SLC38A12: variants seen among roughly 807,000 people sequenced by gnomAD.
SLC38A12 encodes the protein putative sodium-coupled neutral amino acid transporter 12.
At chr17:74,807,422 G>A in the SLC38A12 span, among the ~76,000 whole-genome samples, 1 of 152,238 alleles carries the variant, frequency 6.6e-6, no homozygotes, top group African/African-American at 2.4e-5. Context: ...ACAGGTGGAC[G>A]CCACTGCTGG....
the SLC38A12 span, among the ~76,000 whole-genome samples, chr17:74,828,195 G>T: frequency 2.0e-5 from 3 of 152,204 alleles, no homozygotes; most frequent in Non-Finnish European, 4.4e-5. Flanking sequence ...GCAGGGAATG[G>T]CACGGGGCTT....
the SLC38A12 span, among the ~76,000 whole-genome samples, chr17:74,804,983 G>T: frequency 6.6e-6 from 1 of 152,082 alleles, no homozygotes; most frequent in Non-Finnish European, 1.5e-5. Flanking sequence ...GAGTGCCTTC[G>T]GGCTCTTAAT....
chr17:74,814,390 T>C, the SLC38A12 span, among the ~76,000 whole-genome samples: 1 of 151,472 alleles, frequency 6.6e-6, no homozygotes, highest in Non-Finnish European at 1.5e-5. Flanking sequence ...GAGATGCTGG[T>C]GATAGTGGGG....
the SLC38A12 span, among the ~76,000 whole-genome samples, chr17:74,803,164 G>C: frequency 6.6e-6 from 1 of 152,210 alleles, no homozygotes; most frequent in Admixed American, 6.5e-5. Flanking sequence ...AGTTTCCCTA[G>C]TGTATTTAAA....
the SLC38A12 span, among the ~76,000 whole-genome samples, chr17:74,825,647 C>A: frequency 6.6e-6 from 1 of 152,222 alleles, no homozygotes; most frequent in East Asian, 1.9e-4. Context: ...ATGGGCAGAT[C>A]CAGCTACCAG....
chr17:74,827,420 C>G, the SLC38A12 span, among the ~76,000 whole-genome samples: 1 of 151,874 alleles, frequency 6.6e-6, no homozygotes, highest in Non-Finnish European at 1.5e-5. The surrounding 1 kb of genome is among the most constrained non-coding windows in gnomAD (Gnocchi z 4.7). Flanking sequence ...CTCAGCTTTC[C>G]AAGTAGCTGG....
At chr17:74,785,705 C>A in the SLC38A12 span, 27 of 1,438,516 alleles carry the variant, frequency 1.9e-5, no homozygotes, top group Non-Finnish European at 2.5e-5. Context: ...TGGGAAGACA[C>A]CTGTCTACCC....
chr17:74,812,163 G>A, the SLC38A12 span, among the ~76,000 whole-genome samples: 1 of 151,774 alleles, frequency 6.6e-6, no homozygotes, highest in Non-Finnish European at 1.5e-5. Context: ...TGACACAGGG[G>A]GTCAGGAAGC....
chr17:74,797,002 C>T, the SLC38A12 span, among the ~76,000 whole-genome samples: 2 of 152,188 alleles, frequency 1.3e-5, no homozygotes, highest in Admixed American at 6.5e-5. Context: ...ATTTGAGCGG[C>T]TCGCACAGAC....
chr17:74,802,904 G>A, the SLC38A12 span, among the ~76,000 whole-genome samples: 5 of 152,064 alleles, frequency 3.3e-5, no homozygotes, highest in Non-Finnish European at 7.4e-5. Context: ...TGGGGAAAAC[G>A]GCAGTGTAAC....
chr17:74,838,201 G>A, the SLC38A12 span: 5 of 985,486 alleles, frequency 5.1e-6, no homozygotes, highest in Non-Finnish European at 6.0e-6. Context: ...CTGTGCCGTC[G>A]CACCTCAGTG....
the SLC38A12 span, chr17:74,838,863 C>A: frequency 6.5e-7 from 1 of 1,532,330 alleles, no homozygotes; most frequent in Non-Finnish European, 8.7e-7. Context: ...TAGGCAAGCT[C>A]AGCTTGTGGT....
At chr17:74,835,822 CTT>C in the SLC38A12 span, 3 of 1,500,384 alleles carry the variant, frequency 2.0e-6, no homozygotes, top group Non-Finnish European at 2.6e-6. Context: ...TTTAATGACT[CTT>C]TCTCACAGGG....
the SLC38A12 span, among the ~76,000 whole-genome samples, chr17:74,797,760 G>A: frequency 6.6e-6 from 1 of 152,188 alleles, no homozygotes; most frequent in Non-Finnish European, 1.5e-5. Flanking sequence ...CTGGAGGAAG[G>A]GGGGTTGGCA....
At chr17:74,830,203 C>T in the SLC38A12 span, among the ~76,000 whole-genome samples, 4 of 152,226 alleles carry the variant, frequency 2.6e-5, no homozygotes, top group African/African-American at 9.6e-5. Flanking sequence ...AGGGCTTGGC[C>T]CAGTCACGGC....
the SLC38A12 span, among the ~76,000 whole-genome samples, chr17:74,825,215 C>T: frequency 6.6e-6 from 1 of 152,238 alleles, no homozygotes; most frequent in Admixed American, 6.5e-5. Context: ...CCCTGCACGG[C>T]CCAGGTCTCT....
the SLC38A12 span, chr17:74,794,882 A>G: frequency 2.7e-6 from 2 of 745,718 alleles, no homozygotes; most frequent in South Asian, 1.8e-5. Context: ...CACTTTTTGT[A>G]GAAAGTAAAC....
chr17:74,825,540 T>A, the SLC38A12 span, among the ~76,000 whole-genome samples: 5,380 of 152,318 alleles, frequency 0.035, 289 homozygotes, highest in African/African-American at 0.12. Flanking sequence ...AGGACTGACC[T>A]GAGAGTTCAC....
At chr17:74,822,803 C>A in the SLC38A12 span, among the ~76,000 whole-genome samples, 1 of 152,226 alleles carries the variant, frequency 6.6e-6, no homozygotes, top group Non-Finnish European at 1.5e-5. Context: ...TTTTTCTTCC[C>A]AGTGCTGGCG....
Sources: gnomAD v4.1 joint callset for allele counts (sites outside exome capture counted in the v4.1 genomes callset) on GRCh38, gnomAD v4.1.1 for gene constraint, Gnocchi (gnomAD v3.1) non-coding constraint, MANE v1.5 for transcripts, NCBI Gene and HGNC (gene_info 2026-07-23, HGNC 2026-07-21) for gene names.